CCT2: variants seen among roughly 807,000 people sequenced by gnomAD.
The protein encoded by CCT2 is T-complex protein 1 subunit beta.
In CCT2, 18 loss-of-function variants were observed where a neutral mutation model predicts 61.8. That is an observed-to-expected ratio of 0.29 (90% CI 0.20 to 0.43). The LOEUF is 0.43. CCT2 is among the 20% of genes least tolerant of loss of function. The pLI is 1.00. For synonymous variants in CCT2, 248 were observed against 215.9 expected (o/e 1.15, Z -1.30); for missense variants, 556 against 656.9 (o/e 0.85, Z 1.68).
At chr12:69,588,428 G>T in intron 6 of CCT2, 166 bp downstream of exon 6, 1 of 574,166 alleles carries the variant, frequency 1.7e-6, no homozygotes, top group South Asian at 2.3e-5. Context: ...AGCCACTAAA[G>T]TTAAGTTTGG....
At chr12:69,598,124 T>G (rs775929492) in intron 13 of CCT2, 53 bp downstream of exon 13, 19 of 1,339,254 alleles carry the variant, frequency 1.4e-5, no homozygotes, top group Non-Finnish European at 2.0e-5. Context: ...TTATTGATAG[T>G]TTTAAAATGA....
At chr12:69,596,538 G>A (rs1201022628) in intron 10 of CCT2, among the ~76,000 whole-genome samples, 3 of 152,114 alleles carry the variant, frequency 2.0e-5, no homozygotes, top group Admixed American at 6.6e-5. Context: ...AAATTAATTT[G>A]TTCTTATTAA....
Position 69,599,969 on chromosome 12 carries a change from T to A in CCT2, c.1542T>A (p.Ile514=). 3 of 1,613,686 alleles carry A rather than the reference T, an allele frequency of 1.9e-6. No homozygotes were observed. Among genetic ancestry groups the A allele is most frequent in the Non-Finnish European group, 2.5e-6 (3 of 1,179,724 alleles). Residue 514 remains isoleucine (I), a synonymous_variant, in exon 15 of 16, where the codon ATT becomes ATA. Coordinates refer to ENST00000299300, the MANE Select transcript of CCT2 (RefSeq NM_006431.3). ...GTGCAGCTGAAGCAGCAGAGGTGAT[T>A]CTGCGTGTGGACAACATCATCAAAG... ...LLSAAEAAEV[I]LRVDNIIKAA...
chr12:69,587,443 T>G (rs1881699128), intron 3 of CCT2, 62 bp from the exon 4 acceptor site: 1 of 910,244 alleles, frequency 1.1e-6, no homozygotes, highest in African/African-American at 1.6e-5. Flanking sequence ...GAATACTGAT[T>G]GATCCATGCA....
intron 6 of CCT2, 121 bp downstream of exon 6, chr12:69,588,383 C>T: frequency 2.9e-6 from 2 of 696,354 alleles, no homozygotes; most frequent in East Asian, 5.5e-5. Flanking sequence ...CCTCACCCCA[C>T]TCCAACAGTC....
intron 14 of CCT2, among the ~76,000 whole-genome samples, chr12:69,598,835 G>T (rs1882069868): frequency 6.6e-6 from 1 of 152,094 alleles, no homozygotes. Context: ...TGGCCAATGA[G>T]GCAGATTTAA....
At position 69,597,970 on chromosome 12, in the gene CCT2, T is replaced by C. The variant is rs1158965705; in HGVS notation, c.1234T>C (p.Cys412Arg). The change falls in exon 13 of 16, where the codon TGT becomes CGT. Residue 412 changes from cysteine (C) to arginine (R), a missense_variant and splice_region_variant. Physicochemically the swap from Cys to Arg is radical, Grantham distance 180. This residue lies in a region of CCT2 where 225 missense variants were observed against 249.8 expected (regional missense o/e 0.90). Coordinates refer to ENST00000299300, the MANE Select transcript of CCT2 (RefSeq NM_006431.3). ...KDSRTVYGGG[C>R]SEMLMAHAVT... ...TTTATTGGAATTTTAATCTTTAGGC[T>C]GTTCTGAGATGTTGATGGCTCATGC... 1 of 1,611,826 alleles carries C rather than the reference T, an allele frequency of 6.2e-7. No individual in the cohort carries two copies. The highest frequency in any genetic ancestry group is 1.3e-5 in the African/African-American group (1 of 74,860).
chr12:69,597,069 C>G, intron 10 of CCT2, 87 bp from the exon 11 acceptor site: 1 of 1,188,620 alleles, frequency 8.4e-7, no homozygotes, highest in South Asian at 1.5e-5. Flanking sequence ...AACACATTAC[C>G]TATCATTATC....
intron 11 of CCT2, 27 bp downstream of exon 11, chr12:69,597,302 G>T: frequency 6.2e-7 from 1 of 1,611,406 alleles, no homozygotes; most frequent in Non-Finnish European, 8.5e-7. Context: ...ATCCTGGTTA[G>T]GGTGTCTAAA....
In CCT2 at chr12:69,585,495, C is replaced by T. The variant is rs541611936; in HGVS notation, c.-27C>T. ...CCCGAGCACGAGCTGTGAGGGGATT[C>T]ACTTGTGTGCGGAACTCCTCGGAAC... On this transcript the variant is annotated 5_prime_UTR_variant, in exon 1 of 16. Transcript: ENST00000299300. 3.3e-4 allele frequency: 522 copies of T among 1,562,776 alleles called. 7 individuals carry two copies. The South Asian group carries it at 5.8e-3, about 17-fold the overall frequency.
chr12:69,590,157 A>G (rs1344605267), intron 7 of CCT2, among the ~76,000 whole-genome samples: 1 of 152,192 alleles, frequency 6.6e-6, no homozygotes. Context: ...TGGTTTGCAC[A>G]TGTGCAACCG....
intron 12 of CCT2, 41 bp from the exon 13 acceptor site, chr12:69,597,927 A>G (rs2135859487): frequency 6.5e-7 from 1 of 1,530,536 alleles, no homozygotes; most frequent in Non-Finnish European, 9.0e-7. Context: ...TCTTGGAGAC[A>G]ACTAAGCATT....
intron 10 of CCT2, 51 bp downstream of exon 10, chr12:69,593,664 TTTG>T (rs1881902960): frequency 3.6e-6 from 4 of 1,098,520 alleles, no homozygotes; most frequent in African/African-American, 1.6e-5. Flanking sequence ...CACTCTTGAA[TTTG>T]TTATTTGTTA....
rs753615839 is a variant in CCT2 at position 69,588,250 on chromosome 12, C to T, written c.434C>T (p.Ala145Val). ...GCAAGAGAGGCGCTGTTGAGTTCTG[C>T]AGTTGATCATGGGTTTGTATAGCAA... ...KAAREALLSS[A>V]VDHGSDEVKF... Residue 145 changes from alanine (A) to valine (V), a missense_variant, in exon 6 of 16, where the codon GCA (alanine) becomes GTA (valine). By Grantham distance (64) the Ala-to-Val change is moderately conservative. This residue lies in a region of CCT2 where 308 missense variants were observed against 350.6 expected (regional missense o/e 0.88). Transcript: ENST00000299300. The T allele has an allele frequency of 3.1e-6, 5 of 1,611,580 alleles. No individual in the cohort carries two copies. Among genetic ancestry groups the T allele is most frequent in the South Asian group, 1.1e-5 (1 of 91,040 alleles).
intron 3 of CCT2, chr12:69,587,103 G>T (rs1039414332): frequency 5.8e-6 from 2 of 345,740 alleles, no homozygotes; most frequent in South Asian, 1.6e-4. Context: ...GTAACATACT[G>T]TTTTATAAAA....
chr12:69,592,947 A>T (rs373048084), intron 8 of CCT2, 29 bp from the exon 9 acceptor site: 10 of 1,602,000 alleles, frequency 6.2e-6, no homozygotes, highest in Non-Finnish European at 8.5e-6. Flanking sequence ...AATGAAACTG[A>T]TGCTCTCTTT....
rs35400521 is a variant in CCT2 at position 69,593,974 on chromosome 12, C to CAA, written c.982+372_982+373dup. ...GCAACATTGCGAACCCACATCCCTA[C>CAA]AAAAAAAAAAAATTGGCCAGGTGTG... is the stretch of plus-strand genomic sequence containing the variant. On this transcript the variant is annotated intron_variant, in intron 10 of 15. Transcript: ENST00000299300. Among the ~76,000 whole-genome samples the CAA allele has an allele frequency of 5.6e-5, 8 of 142,486 alleles. No homozygotes were observed. The East Asian group carries it at 1.2e-3, about 22-fold the overall frequency. 93.5% of individuals were successfully genotyped at this position (142,486 alleles called of 152,430 possible). A position where few individuals can be genotyped will look rare whatever the true frequency, so the allele number is the denominator to read the frequency against.
chr12:69,586,878 T>C (rs1881680323), intron 3 of CCT2, 60 bp downstream of exon 3: 6 of 998,374 alleles, frequency 6.0e-6, no homozygotes, highest in African/African-American at 1.7e-5. Flanking sequence ...GGTGGAAATA[T>C]AATAACAAGC....
chr12:69,595,547 G>A (rs1355651585), intron 10 of CCT2, among the ~76,000 whole-genome samples: 1 of 152,124 alleles, frequency 6.6e-6, no homozygotes, highest in Non-Finnish European at 1.5e-5. Context: ...AATTAGCCAG[G>A]CGTGGTGGTG....
Sources: gnomAD v4.1 joint callset for allele counts (sites outside exome capture counted in the v4.1 genomes callset) on GRCh38, gnomAD v4.1.1 for gene constraint, gnomAD v4.1.1 regional missense constraint, MANE v1.5 for transcripts, NCBI Gene and HGNC (gene_info 2026-07-23, HGNC 2026-07-21) for gene names.